Variants in PRELID2 observed in about 807,000 individuals in gnomAD.
PRELID2 encodes PRELI domain-containing protein 2.
In PRELID2, 25 loss-of-function variants were observed where a neutral mutation model predicts 28.4. That is an observed-to-expected ratio of 0.88 (90% confidence interval 0.64 to 1.23). PRELID2 has a LOEUF of 1.23. Ranked by LOEUF, PRELID2 falls within the 50% of genes most tolerant of loss-of-function variation. The probability of loss-of-function intolerance (pLI) is 0.00; values close to 1 mark genes in which losing one functional copy is unlikely to be tolerated. For missense variants in PRELID2, 201 were observed against 214.4 expected, an observed-to-expected ratio of 0.94 and a Z score of 0.39; for synonymous variants, 76 against 71.6, an observed-to-expected ratio of 1.06 and a Z score of -0.31.
intron 1 of PRELID2, among the ~76,000 whole-genome samples, chr5:145,560,615 G>T (rs1042974760): frequency 6.6e-6 from 1 of 152,178 alleles, no homozygotes; most frequent in African/African-American, 2.4e-5. Flanking sequence ...CTGTCAGCCA[G>T]GGAACCCAGT....
chr5:145,676,866 A>G (rs1262721850), intron 1 of PRELID2, among the ~76,000 whole-genome samples: 4 of 152,102 alleles, frequency 2.6e-5, no homozygotes, highest in Admixed American at 2.6e-4. Context: ...ACTACAAGAA[A>G]CTCTACTGAC....
intron 1 of PRELID2, among the ~76,000 whole-genome samples, chr5:145,739,050 C>T (rs999962930): frequency 1.1e-4 from 16 of 152,102 alleles, no homozygotes; most frequent in African/African-American, 3.9e-4. Flanking sequence ...AAAGAATTAT[C>T]AACCCAGAAT....
At chr5:145,320,660 G>T in the PRELID2 span, among the ~76,000 whole-genome samples, 1 of 152,094 alleles carries the variant, frequency 6.6e-6, no homozygotes, top group East Asian at 1.9e-4. Flanking sequence ...AAAGAATAAT[G>T]CTGGGAACAA....
the PRELID2 span, among the ~76,000 whole-genome samples, chr5:145,313,168 C>A: frequency 1.3e-5 from 2 of 151,984 alleles, no homozygotes; most frequent in Non-Finnish European, 2.9e-5. Flanking sequence ...CTACAGAATG[C>A]CATAAAATAA....
intron 1 of PRELID2, among the ~76,000 whole-genome samples, chr5:145,629,113 C>T (rs1366075252): frequency 6.6e-6 from 1 of 152,196 alleles, no homozygotes. Flanking sequence ...GCCTTAGCTG[C>T]ACGTGGCTGT....
chr5:145,348,642 A>AT, the PRELID2 span, among the ~76,000 whole-genome samples: 212 of 145,698 alleles, frequency 1.5e-3, no homozygotes, highest in Middle Eastern at 3.5e-3. Context: ...AATTGCAGCC[A>AT]TTTTTTTTTT....
At chr5:145,316,519 A>G in the PRELID2 span, among the ~76,000 whole-genome samples, 4 of 152,180 alleles carry the variant, frequency 2.6e-5, no homozygotes, top group African/African-American at 4.8e-5. Context: ...TCCACGCCCA[A>G]TGTGAAAGAG....
the PRELID2 span, among the ~76,000 whole-genome samples, chr5:145,450,303 C>G: frequency 3.3e-5 from 5 of 152,090 alleles, no homozygotes; most frequent in Non-Finnish European, 5.9e-5. Context: ...AGTTACAATC[C>G]TGTTGTCAAT....
At chr5:145,682,746 A>T (rs770163994) in intron 1 of PRELID2, among the ~76,000 whole-genome samples, 2 of 152,198 alleles carry the variant, frequency 1.3e-5, no homozygotes, top group Admixed American at 6.5e-5. Context: ...CATGTGTACA[A>T]TATCAAGGTA....
chr5:145,771,723 C>G (rs564239505), intron 5 of PRELID2, among the ~76,000 whole-genome samples: 1 of 151,916 alleles, frequency 6.6e-6, no homozygotes, highest in African/African-American at 2.4e-5. Context: ...GGTGTGGTGA[C>G]GCATGCCTGT....
the PRELID2 span, among the ~76,000 whole-genome samples, chr5:145,244,123 T>G: frequency 1.1e-4 from 17 of 152,002 alleles, no homozygotes; most frequent in South Asian, 1.0e-3. Context: ...CCAGATAATT[T>G]TTTGTATTTT....
intron 1 of PRELID2, among the ~76,000 whole-genome samples, chr5:145,638,053 C>T (rs558271944): frequency 5.2e-4 from 79 of 152,282 alleles, no homozygotes; most frequent in South Asian, 2.3e-3. Context: ...TCAGGTGATG[C>T]CCCTGCCTTG....
chr5:145,395,272 C>T, the PRELID2 span, among the ~76,000 whole-genome samples: 1 of 152,032 alleles, frequency 6.6e-6, no homozygotes, highest in Non-Finnish European at 1.5e-5. Context: ...TTCGGAACTC[C>T]AAAAAGGCAT....
chr5:145,324,715 C>T, the PRELID2 span, among the ~76,000 whole-genome samples: 4 of 152,210 alleles, frequency 2.6e-5, no homozygotes, highest in Non-Finnish European at 5.9e-5. Context: ...GTTCTAAATG[C>T]TTTATATTAT....
intron 6 of PRELID2, among the ~76,000 whole-genome samples, chr5:145,764,403 C>A (rs1581156688): frequency 6.6e-6 from 1 of 152,186 alleles, no homozygotes; most frequent in East Asian, 1.9e-4. Flanking sequence ...ACCACCAAGG[C>A]ACTCTTACCC....
chr5:145,541,390 G>A (rs1167970780), intron 1 of PRELID2, among the ~76,000 whole-genome samples: 1 of 151,894 alleles, frequency 6.6e-6, no homozygotes, highest in Non-Finnish European at 1.5e-5. Context: ...ATAGAAATAG[G>A]AACATGGAGG....
chr5:145,323,869 G>A, the PRELID2 span, among the ~76,000 whole-genome samples: 1 of 152,106 alleles, frequency 6.6e-6, no homozygotes, highest in African/African-American at 2.4e-5. Flanking sequence ...TACCACTGAT[G>A]GCCATTTAGG....
chr5:145,422,767 A>C, the PRELID2 span, among the ~76,000 whole-genome samples: 4 of 150,384 alleles, frequency 2.7e-5, no homozygotes, highest in African/African-American at 9.8e-5. Flanking sequence ...TGTGAATTTG[A>C]TCCTGTCATT....
chr5:145,796,558 AAC>A lies in PRELID2; in HGVS notation c.369-13_369-12del, dbSNP rs1405172163. The A allele has an allele frequency of 6.4e-7, 1 of 1,552,580 alleles. No homozygotes were observed. ...TGAATGAACTCTGTCCTGCAAAAAA[AAC>A]AAAAAACACATCTTTGATGTCATTC... On this transcript the variant is annotated splice_polypyrimidine_tract_variant and intron_variant, in intron 4 of 6. Transcript: ENST00000683046.
Sources: gnomAD v4.1 joint callset for allele counts (sites outside exome capture counted in the v4.1 genomes callset) on GRCh38, gnomAD v4.1.1 for gene constraint, MANE v1.5 for transcripts, NCBI Gene and HGNC (gene_info 2026-07-23, HGNC 2026-07-21) for gene names.